NRP2: variants seen among roughly 807,000 people sequenced by gnomAD.
NRP2 encodes neuropilin 2.
In NRP2, 52 loss-of-function variants were observed where a neutral mutation model predicts 110.4. The ratio of observed to expected loss-of-function variants is 0.47; its 90% CI spans 0.38 to 0.59. The LOEUF (loss-of-function observed/expected upper bound fraction) is 0.59. Ranked by LOEUF, NRP2 falls within the 20% of genes least tolerant of loss-of-function variation. NRP2 has a pLI of 0.00. For missense variants in NRP2, 1,049 were observed against 1,203.0 expected (o/e 0.87, Z 1.89); for synonymous variants, 508 against 468.9 (o/e 1.08, Z -1.08).
chr2:205,746,381 C>G (rs543922700), intron 10 of NRP2, among the ~76,000 whole-genome samples: 1 of 152,222 alleles, frequency 6.6e-6, no homozygotes, highest in Admixed American at 6.5e-5. Context: ...CTGATGGGGG[C>G]AGGACTCCTT....
At chr2:205,727,825 G>A in intron 6 of NRP2, 66 bp from the exon 7 acceptor site, 2 of 1,510,634 alleles carry the variant, frequency 1.3e-6, no homozygotes, top group Non-Finnish European at 1.8e-6. Context: ...GTGTCCTTTG[G>A]AAAAAAACAA....
intron 15 of NRP2, among the ~76,000 whole-genome samples, chr2:205,771,174 C>T (rs1468083711): frequency 6.6e-6 from 1 of 152,190 alleles, no homozygotes; most frequent in Non-Finnish European, 1.5e-5. Flanking sequence ...GATGTGGGAG[C>T]AATCCACATG....
chr2:205,738,993 G>A (rs2057393975), intron 7 of NRP2, among the ~76,000 whole-genome samples: 1 of 152,178 alleles, frequency 6.6e-6, no homozygotes, highest in Non-Finnish European at 1.5e-5. Context: ...GCAGGAAATA[G>A]GGCTGTTAAA....
In NRP2 at chr2:205,725,979, C is replaced by T; in HGVS notation, c.887C>T (p.Ser296Leu). Reference protein sequence around the residue: ...GRIANEQISASSTYSDGRWTP... With the variant: ...GRIANEQISALSTYSDGRWTP... ...ATTGCTAATGAACAGATCAGTGCCTCATCTACCTACTCTGATGGGAGGTGG... is the reference window on the plus strand; with the variant it reads ...ATTGCTAATGAACAGATCAGTGCCTTATCTACCTACTCTGATGGGAGGTGG... Residue 296 changes from serine (S) to leucine (L), a missense_variant, in exon 6 of 17, where the codon TCA becomes TTA. Ser to Leu is a moderately radical substitution (Grantham distance 145). Coordinates refer to ENST00000357785, the MANE Select transcript of NRP2 (RefSeq NM_003872.3). This position sits in a 1 kb window ranked among gnomAD's most constrained non-coding sequence, Gnocchi z 4.1. 1 of 1,614,084 alleles carries T rather than the reference C, an allele frequency of 6.2e-7. No individual in the cohort carries two copies. Among genetic ancestry groups the T allele is most frequent in the Non-Finnish European group, 8.5e-7 (1 of 1,179,938 alleles).
At chr2:205,733,608 A>G (rs1011588833) in intron 7 of NRP2, among the ~76,000 whole-genome samples, 1 of 152,110 alleles carries the variant, frequency 6.6e-6, no homozygotes, top group African/African-American at 2.4e-5. Context: ...TGGGAGTTAA[A>G]GGCACCTCCT....
chr2:205,764,301 G>A (rs2057875376), intron 13 of NRP2: 1 of 273,102 alleles, frequency 3.7e-6, no homozygotes, highest in Non-Finnish European at 7.0e-6. Flanking sequence ...CTTCAGATCT[G>A]GGGAGGAAAT....
At chr2:205,734,192 A>G (rs901250540) in intron 7 of NRP2, among the ~76,000 whole-genome samples, 4 of 151,892 alleles carry the variant, frequency 2.6e-5, no homozygotes, top group African/African-American at 9.7e-5. Context: ...ATATATACAT[A>G]TATCTATGTA....
At chr2:205,726,285 C>T (rs2057126423) in intron 6 of NRP2, among the ~76,000 whole-genome samples, 1 of 152,198 alleles carries the variant, frequency 6.6e-6, no homozygotes, top group Admixed American at 6.5e-5. Flanking sequence ...GGAGCCTGCC[C>T]CTGCCCTTGT....
chr2:205,781,733 G>A (rs1264064220), intron 15 of NRP2, among the ~76,000 whole-genome samples: 1 of 152,182 alleles, frequency 6.6e-6, no homozygotes, highest in East Asian at 1.9e-4. Flanking sequence ...TTTAGTGACA[G>A]CCCAAAGAAA....
intron 8 of NRP2, among the ~76,000 whole-genome samples, chr2:205,741,467 A>G (rs760362211): frequency 2.6e-5 from 4 of 152,236 alleles, no homozygotes; most frequent in Non-Finnish European, 4.4e-5. Context: ...GCATGGACAC[A>G]GCTTGTGGGC....
intron 15 of NRP2, among the ~76,000 whole-genome samples, chr2:205,775,069 G>A (rs1012808671): frequency 6.6e-6 from 1 of 152,168 alleles, no homozygotes; most frequent in Non-Finnish European, 1.5e-5. Context: ...TGGCTCCCCT[G>A]CTGGGGCACC....
Position 205,727,970 on chromosome 2 carries a change from A to C in NRP2, c.1070A>C (p.Tyr357Ser), listed in dbSNP as rs745738796. ...AISRETQNGY[Y>S]VKSYKLEVST... The stretch of plus-strand genomic sequence containing the variant: ...TCCAGGGAAACACAGAATGGCTACT[A>C]TGTCAAATCCTACAAGCTGGAAGTC... Residue 357 changes from tyrosine to serine, a missense_variant, in exon 7 of 17, where the codon TAT becomes TCT. By Grantham distance (144) the Tyr-to-Ser change is moderately radical. Transcript: ENST00000357785. 1 of 1,614,164 alleles carries C rather than the reference A, an allele frequency of 6.2e-7. No homozygotes were observed. The highest frequency in any genetic ancestry group is 2.2e-5 in the East Asian group (1 of 44,870).
At chr2:205,737,403 C>T (rs1039111507) in intron 7 of NRP2, among the ~76,000 whole-genome samples, 7 of 152,194 alleles carry the variant, frequency 4.6e-5, no homozygotes, top group African/African-American at 7.2e-5. Context: ...ATACAATCCC[C>T]TCATTTAACA....
At chr2:205,769,505 T>TACATACAC (rs145002505) in intron 15 of NRP2, among the ~76,000 whole-genome samples, 4 of 145,100 alleles carry the variant, frequency 2.8e-5, no homozygotes, top group Non-Finnish European at 3.0e-5. Context: ...TATACATACA[T>TACATACAC]ACACACACAC....
intron 15 of NRP2, among the ~76,000 whole-genome samples, chr2:205,774,382 G>A (rs2058066973): frequency 6.6e-6 from 1 of 152,194 alleles, no homozygotes; most frequent in South Asian, 2.1e-4. Context: ...GACAAAGAGG[G>A]CAGGCAATAA....
intron 1 of NRP2, 123 bp from the exon 2 acceptor site, chr2:205,697,421 C>A: frequency 1.1e-6 from 1 of 931,588 alleles, no homozygotes; most frequent in Non-Finnish European, 1.8e-6. Flanking sequence ...GTCTTCTGGA[C>A]TGCCATAAAA....
At chr2:205,764,515 AC>A (rs1251324343) in intron 13 of NRP2, 1 of 157,544 alleles carries the variant, frequency 6.3e-6, no homozygotes, top group Non-Finnish European at 1.4e-5. Flanking sequence ...CGTGGTTGCA[AC>A]TTGGGTAGGA....
At chr2:205,792,784 G>A (rs1399662159) in intron 16 of NRP2, among the ~76,000 whole-genome samples, 3 of 152,074 alleles carry the variant, frequency 2.0e-5, no homozygotes, top group African/African-American at 4.8e-5. Flanking sequence ...TGACCATCTC[G>A]TATCTTTATA....
intron 2 of NRP2, among the ~76,000 whole-genome samples, chr2:205,711,395 G>A (rs1426305553): frequency 6.6e-6 from 1 of 152,120 alleles, no homozygotes; most frequent in East Asian, 1.9e-4. Flanking sequence ...ATGATGGTGA[G>A]ATAGAGAATA....
Sources: allele counts gnomAD v4.1 joint callset (sites outside exome capture counted in the v4.1 genomes callset), GRCh38; gene constraint gnomAD v4.1.1; non-coding constraint Gnocchi (gnomAD v3.1); transcripts MANE v1.5; gene names NCBI Gene and HGNC (gene_info 2026-07-23, HGNC 2026-07-21).